Variants in ATRX observed in about 807,000 individuals in gnomAD.
The protein encoded by ATRX is ATRX chromatin remodeler.
ATRX carries 12 observed loss-of-function variants against 172.6 expected under a neutral mutation model. The ratio of observed to expected loss-of-function variants is 0.07; its 90% confidence interval spans 0.04 to 0.11. The LOEUF is 0.11. ATRX is among the 10% of genes least tolerant of loss of function. The pLI, the probability that ATRX is intolerant of heterozygous loss-of-function variation, is 1.00. For missense variants in ATRX, 1,368 were observed against 1,767.4 expected (o/e 0.77, Z 4.05); for synonymous variants, 674 against 594.7 (o/e 1.13, Z -1.94).
intron 1 of ATRX, among the ~76,000 whole-genome samples, chrX:77,774,627 AGATCGCGCCACCGCACTCCAGCCTG>A (rs1263895401): frequency 1.8e-5 from 2 of 110,860 alleles, no homozygotes; most frequent in Non-Finnish European, 3.8e-5. Flanking sequence ...CAGTGAGCCA[AGATCGCGCCACCGCACTCCAGCCTG>A]GGCGACAGTG....
At chrX:77,554,481 C>T (rs2064695225) in intron 30 of ATRX, among the ~76,000 whole-genome samples, 2 of 111,302 alleles carry the variant, frequency 1.8e-5, no homozygotes, top group Non-Finnish European at 3.8e-5. Context: ...TTATAGTAAA[C>T]ATTATTTTAA....
intron 30 of ATRX, among the ~76,000 whole-genome samples, chrX:77,531,298 A>C (rs2063567287): frequency 8.9e-6 from 1 of 112,110 alleles, no homozygotes; most frequent in Non-Finnish European, 1.9e-5. Context: ...TCCTGATATG[A>C]AAACCTGGCA....
intron 30 of ATRX, among the ~76,000 whole-genome samples, chrX:77,533,131 C>T (rs782777296): frequency 8.9e-6 from 1 of 111,902 alleles, no homozygotes; most frequent in Non-Finnish European, 1.9e-5. Context: ...ACTAAAAAGT[C>T]AAAAAACAGC....
chrX:77,528,147 C>T (rs1376590967), intron 30 of ATRX, among the ~76,000 whole-genome samples: 1 of 109,695 alleles, frequency 9.1e-6, no homozygotes, highest in East Asian at 2.9e-4. Context: ...GCACCCCCTC[C>T]TTCCCCGCAC....
rs2148633386 is a variant in ATRX, at chrX:77,684,285, C to T, written c.971G>A (p.Cys324Tyr). 1 of 1,208,920 alleles carries T rather than the reference C, an allele frequency of 8.3e-7. No homozygotes were observed. The highest frequency in any genetic ancestry group is 1.1e-6 in the Non-Finnish European group (1 of 892,890). Residue 324 changes from cysteine (C) to tyrosine (Y), a missense_variant, in exon 9 of 35, where the codon TGT (cysteine) becomes TAT (tyrosine). Physicochemically the swap from Cys to Tyr is radical, Grantham distance 194. Coordinates refer to ENST00000373344, the MANE Select transcript of ATRX (RefSeq NM_000489.6). ...ATCTAATTTCTTTTCTTCTCCATTA[C>T]AATTTGAACTAGTCTTCTTTGGAGA... ...RFSPKKTSSN[C>Y]NGEEKKLDDS...
chrX:77,590,025 C>T (rs2066176865), intron 26 of ATRX, 85 bp from the exon 27 acceptor site: 2 of 815,435 alleles, frequency 2.5e-6, no homozygotes, highest in Non-Finnish European at 3.6e-6. Flanking sequence ...AAATTTAACA[C>T]AATTGTAACA....
chrX:77,681,288 C>T (rs1557136621), intron 9 of ATRX, among the ~76,000 whole-genome samples: 1 of 111,770 alleles, frequency 8.9e-6, no homozygotes, highest in Non-Finnish European at 1.9e-5. Flanking sequence ...TTGTCATTTA[C>T]TCAACAAATT....
At chrX:77,763,212 T>C (rs1557193728) in intron 1 of ATRX, among the ~76,000 whole-genome samples, 2 of 109,043 alleles carry the variant, frequency 1.8e-5, no homozygotes. Flanking sequence ...TGGCACAATC[T>C]TGGCTCACTG....
chrX:77,785,704 A>C (rs1234027056), intron 1 of ATRX: 3 of 518,956 alleles, frequency 5.8e-6, no homozygotes, highest in Non-Finnish European at 7.8e-6. Flanking sequence ...TAAACAGAGG[A>C]GCCCGACCAA....
intron 19 of ATRX, among the ~76,000 whole-genome samples, chrX:77,629,550 G>T (rs1399090348): frequency 1.8e-5 from 2 of 112,014 alleles, no homozygotes; most frequent in African/African-American, 6.5e-5. Flanking sequence ...ATATACTCTG[G>T]AAAAGAAAAT....
chrX:77,654,054 C>T, intron 14 of ATRX, 44 bp downstream of exon 14: 1 of 1,044,530 alleles, frequency 9.6e-7, no homozygotes, highest in South Asian at 1.9e-5. Flanking sequence ...CCATAGTCTA[C>T]TGTACTGGTT....
At chrX:77,702,545 A>G (rs1469505252) in intron 2 of ATRX, among the ~76,000 whole-genome samples, 1 of 111,757 alleles carries the variant, frequency 8.9e-6, no homozygotes, top group African/African-American at 3.3e-5. Context: ...ATGTCTATAC[A>G]CTTGCAATGA....
chrX:77,674,372 T>C (rs2070766415), intron 10 of ATRX: 1 of 111,134 alleles, frequency 9.0e-6, no homozygotes, highest in Admixed American at 9.6e-5. Flanking sequence ...AAATTGTATA[T>C]TTTATAAAAA....
chrX:77,526,815 G>A (rs948799117), intron 30 of ATRX, among the ~76,000 whole-genome samples: 5 of 111,584 alleles, frequency 4.5e-5, no homozygotes, highest in African/African-American at 1.3e-4. Context: ...CCCCTTTAAC[G>A]TATTCACCCC....
intron 2 of ATRX, among the ~76,000 whole-genome samples, chrX:77,704,968 G>T (rs1307244158): frequency 9.0e-6 from 1 of 110,686 alleles, no homozygotes; most frequent in Non-Finnish European, 1.9e-5. Flanking sequence ...GGAGGCCCAG[G>T]TCTATACCCA....
intron 28 of ATRX, among the ~76,000 whole-genome samples, chrX:77,563,849 C>G (rs782140312): frequency 2.4e-4 from 26 of 109,389 alleles, no homozygotes; most frequent in African/African-American, 8.7e-4. Context: ...ATCCTGGTCC[C>G]AGTTCAAAGG....
At chrX:77,513,519 C>T (rs1407869769) in intron 34 of ATRX, among the ~76,000 whole-genome samples, 1 of 109,478 alleles carries the variant, frequency 9.1e-6, no homozygotes, top group Non-Finnish European at 1.9e-5. Context: ...CTGAATGGGG[C>T]TACCGCACAC....
At chrX:77,564,279 G>T (rs868974741) in intron 28 of ATRX, among the ~76,000 whole-genome samples, 14 of 111,721 alleles carry the variant, frequency 1.3e-4, no homozygotes, top group African/African-American at 3.9e-4. Context: ...TATATACAAG[G>T]AACAGAAGGC....
intron 1 of ATRX, among the ~76,000 whole-genome samples, chrX:77,771,675 T>C (rs2076158038): frequency 9.0e-6 from 1 of 111,483 alleles, no homozygotes; most frequent in Non-Finnish European, 1.9e-5. Context: ...TTGGTTTATA[T>C]CTCTGTAACT....
Sources: gnomAD v4.1 joint callset for allele counts (sites outside exome capture counted in the v4.1 genomes callset) on GRCh38, gnomAD v4.1.1 for gene constraint, MANE v1.5 for transcripts, NCBI Gene and HGNC (gene_info 2026-07-23, HGNC 2026-07-21) for gene names.